The following CDIN1 variants were observed in gnomAD, a reference collection of about 807,000 sequenced individuals.
CDIN1 encodes CDAN1 interacting nuclease 1.
CDIN1 carries 33 observed loss-of-function variants against 45.3 expected under a neutral mutation model. The ratio of observed to expected loss-of-function variants is 0.73; its 90% CI spans 0.55 to 0.97. The LOEUF (loss-of-function observed/expected upper bound fraction) is 0.97, where lower values mean the gene tolerates loss of function less well. Among genes scored for constraint, CDIN1 ranks in the 50% least tolerant of loss-of-function variants. CDIN1 has a pLI of 0.00. For synonymous variants in CDIN1, 118 were observed against 124.4 expected (o/e 0.95, Z 0.34); for missense variants, 303 against 339.4 (o/e 0.89, Z 0.84).
At chr15:36,797,794 A>C (rs1047096594) in intron 10 of CDIN1, among the ~76,000 whole-genome samples, 1 of 152,044 alleles carries the variant, frequency 6.6e-6, no homozygotes, top group Admixed American at 6.5e-5. Flanking sequence ...AGCCTTGCCA[A>C]CATGGTGAAA....
chr15:36,644,045 T>G (rs1365041886), intron 1 of CDIN1, among the ~76,000 whole-genome samples: 2 of 152,210 alleles, frequency 1.3e-5, no homozygotes, highest in East Asian at 3.8e-4. Context: ...ATCAAAATAA[T>G]GTGATAGTTG....
chr15:36,729,391 T>C (rs935472734), intron 10 of CDIN1, among the ~76,000 whole-genome samples: 1 of 152,176 alleles, frequency 6.6e-6, no homozygotes, highest in East Asian at 1.9e-4. Context: ...AATGTCCATA[T>C]TGGGGAGGTT....
chr15:36,727,833 A>G (rs2043693521), intron 10 of CDIN1, among the ~76,000 whole-genome samples: 1 of 152,206 alleles, frequency 6.6e-6, no homozygotes, highest in Non-Finnish European at 1.5e-5. Flanking sequence ...AAAAGAGAAC[A>G]TACCTATTAT....
chr15:36,684,658 C>T (rs2041975245), intron 5 of CDIN1, among the ~76,000 whole-genome samples: 2 of 151,988 alleles, frequency 1.3e-5, no homozygotes, highest in Non-Finnish European at 2.9e-5. Flanking sequence ...GGAATGGTAC[C>T]AGCTCCTCCT....
intron 7 of CDIN1, among the ~76,000 whole-genome samples, chr15:36,694,171 A>G (rs566039200): frequency 2.0e-5 from 3 of 152,330 alleles, no homozygotes; most frequent in Admixed American, 2.0e-4. Context: ...ATGCAAAATA[A>G]AACAGGCTGG....
chr15:36,703,277 C>A (rs2042718639), intron 8 of CDIN1, among the ~76,000 whole-genome samples: 1 of 86,488 alleles, frequency 1.2e-5, no homozygotes, highest in African/African-American at 5.3e-5. Flanking sequence ...TCTGATAGAT[C>A]TATCAGATAT....
chr15:36,659,999 A>T (rs2040944487), intron 5 of CDIN1, among the ~76,000 whole-genome samples: 1 of 46,914 alleles, frequency 2.1e-5, no homozygotes. Context: ...AAGAACTTTA[A>T]GTTACTGTGG....
chr15:36,739,966 C>T (rs940585589), intron 10 of CDIN1, among the ~76,000 whole-genome samples: 18 of 152,020 alleles, frequency 1.2e-4, no homozygotes, highest in African/African-American at 3.9e-4. Context: ...TACAGGAATC[C>T]ACATTGCTTA....
intron 1 of CDIN1, among the ~76,000 whole-genome samples, chr15:36,594,354 G>A (rs1247423037): frequency 6.6e-6 from 1 of 152,140 alleles, no homozygotes; most frequent in Non-Finnish European, 1.5e-5. Context: ...GCATAATTAT[G>A]CTATAGATTA....
chr15:36,798,950 CACT>C (rs1258769565), intron 10 of CDIN1: 1 of 152,158 alleles, frequency 6.6e-6, no homozygotes, highest in African/African-American at 2.4e-5. Context: ...TGGACTGCAC[CACT>C]GTCAGCCAGG....
intron 1 of CDIN1, among the ~76,000 whole-genome samples, chr15:36,585,211 T>A (rs1358237325): frequency 1.3e-5 from 2 of 152,206 alleles, no homozygotes; most frequent in Non-Finnish European, 2.9e-5. Flanking sequence ...TCATATACCC[T>A]TCACCCAGCT....
At chr15:36,623,160 C>CA (rs1566842025) in intron 1 of CDIN1, among the ~76,000 whole-genome samples, 1 of 151,980 alleles carries the variant, frequency 6.6e-6, no homozygotes, top group Non-Finnish European at 1.5e-5. Flanking sequence ...TAGTGAAACT[C>CA]AGTCACATTT....
At chr15:36,680,610 G>A (rs1016047187) in intron 5 of CDIN1, among the ~76,000 whole-genome samples, 1 of 152,142 alleles carries the variant, frequency 6.6e-6, no homozygotes, top group South Asian at 2.1e-4. Flanking sequence ...ATATAGACAC[G>A]AGGGGCTGGG....
chr15:36,685,636 G>C (rs1403532014), intron 5 of CDIN1, among the ~76,000 whole-genome samples: 1 of 152,006 alleles, frequency 6.6e-6, no homozygotes, highest in African/African-American at 2.4e-5. Context: ...TACAAAATGG[G>C]AGAAAATTTT....
chr15:36,733,657 A>G (rs923005651), intron 10 of CDIN1, among the ~76,000 whole-genome samples: 3 of 152,150 alleles, frequency 2.0e-5, no homozygotes, highest in African/African-American at 4.8e-5. Context: ...ATGTGTTTAT[A>G]TAATCATGGG....
At chr15:36,658,805 A>G (rs1184246835) in intron 5 of CDIN1, among the ~76,000 whole-genome samples, 1 of 152,140 alleles carries the variant, frequency 6.6e-6, no homozygotes, top group Non-Finnish European at 1.5e-5. Flanking sequence ...ATATTTTGTC[A>G]GGGATTTTTT....
chr15:36,593,206 C>T (rs2037663287), intron 1 of CDIN1, among the ~76,000 whole-genome samples: 1 of 152,198 alleles, frequency 6.6e-6, no homozygotes, highest in Admixed American at 6.5e-5. Flanking sequence ...TAGTTAGACT[C>T]AGCATATTAG....
chr15:36,740,889 CA>C (rs201052730), intron 10 of CDIN1, among the ~76,000 whole-genome samples: 6,519 of 126,012 alleles, frequency 0.052, 437 homozygotes, highest in African/African-American at 0.16. Context: ...GACTCCATCT[CA>C]AAAAAAAAAA....
At chr15:36,788,076 A>AT (rs2054537520) in intron 10 of CDIN1, among the ~76,000 whole-genome samples, 1 of 37,488 alleles carries the variant, frequency 2.7e-5, no homozygotes, top group Non-Finnish European at 4.4e-5. Flanking sequence ...AATTTTATAC[A>AT]TATATATATA....
Sources: gnomAD v4.1 joint callset for allele counts (sites outside exome capture counted in the v4.1 genomes callset) on GRCh38, gnomAD v4.1.1 for gene constraint, MANE v1.5 for transcripts, NCBI Gene and HGNC (gene_info 2026-07-23, HGNC 2026-07-21) for gene names.